ERFL: variants seen among roughly 807,000 people sequenced by gnomAD.
ERFL encodes ETS repressor factor like.
A neutral mutation model predicts 27.9 loss-of-function variants in ERFL; 8 were observed. The ratio of observed to expected loss-of-function variants is 0.29; its 90% CI spans 0.17 to 0.52. ERFL has a LOEUF of 0.52. Ranked by LOEUF, ERFL falls within the 20% of genes least tolerant of loss-of-function variation. The pLI, the probability that ERFL is intolerant of heterozygous loss-of-function variation, is 0.97. For missense variants in ERFL, 294 were observed against 444.4 expected (o/e 0.66, Z 3.04); for synonymous variants, 174 against 202.8 (o/e 0.86, Z 1.21).
intron 1 of ERFL, among the ~76,000 whole-genome samples, chr19:41,926,827 C>T (rs1017478381): frequency 6.6e-6 from 1 of 152,128 alleles, no homozygotes; most frequent in Non-Finnish European, 1.5e-5. Context: ...CCAGAAAATT[C>T]GATCCTGGGC....
At chr19:41,914,975 TC>T (rs1343334298) in intron 1 of ERFL, among the ~76,000 whole-genome samples, 1 of 30,470 alleles carries the variant, frequency 3.3e-5, no homozygotes, top group South Asian at 1.5e-3. Context: ...TCTCCCTCCC[TC>T]CCCCTCCAGC....
intron 2 of ERFL, among the ~76,000 whole-genome samples, chr19:41,911,407 G>A (rs782695522): frequency 8.5e-5 from 13 of 152,204 alleles, no homozygotes; most frequent in Non-Finnish European, 1.2e-4. Context: ...AGACTGCTGT[G>A]CGCCAGGGCA....
chr19:41,920,898 C>G (rs1359949013), intron 1 of ERFL, among the ~76,000 whole-genome samples: 1 of 152,180 alleles, frequency 6.6e-6, no homozygotes, highest in African/African-American at 2.4e-5. Context: ...GAGACCCACA[C>G]CCCCCTCCCT....
intron 1 of ERFL, among the ~76,000 whole-genome samples, chr19:41,922,852 G>C (rs939675615): frequency 6.6e-6 from 1 of 152,198 alleles, no homozygotes; most frequent in Non-Finnish European, 1.5e-5. Flanking sequence ...GCGCACTGCC[G>C]CCGAGGCGGA....
rs1555852503 is a variant in ERFL at position 41,921,643 on chromosome 19, G to A, written c.-14+6397C>T. ...CCGCACCGGAGACCCTGGGTTGGGA[G>A]GAAGGAGAGAAGAGGGCAGAGATGC... On this transcript the variant is annotated intron_variant, in intron 1 of 5. Transcript: ENST00000597630. The surrounding 1 kb of genome is among the most constrained non-coding windows in gnomAD (Gnocchi z 4.4). Among the ~76,000 whole-genome samples the A allele has an allele frequency of 6.6e-6, 1 of 152,132 alleles. No homozygotes were observed. Among genetic ancestry groups the A allele is most frequent in the Non-Finnish European group, 1.5e-5 (1 of 68,020 alleles).
Position 41,908,552 on chromosome 19 carries a change from G to A in ERFL, c.741C>T (p.Tyr247=), listed in dbSNP as rs782525663. The part of the protein sequence containing the change: ...GPFPKLPPSL[Y]PPHFYPNPLA... ...GAGGGTTGGGGTAGAAATGCGGGGG[G>A]TAGAGAGAGGGAGGCAGCTTGGGGA... Residue 247 remains tyrosine, a synonymous_variant, in exon 6 of 6, where the codon TAC becomes TAT. Transcript: ENST00000597630. This position sits in a 1 kb window ranked among gnomAD's most constrained non-coding sequence, Gnocchi z 6.7. 3.0e-5 allele frequency: 37 copies of A among 1,231,686 alleles called. No individual in the cohort carries two copies. Among genetic ancestry groups the A allele is most frequent in the Non-Finnish European group, 3.5e-5 (35 of 988,078 alleles). The allele number at this position is 1,231,686 out of a possible 1,614,324, so 76.3% of individuals were successfully genotyped here.
At chr19:41,920,484 GACAC>G (rs781793491) in intron 1 of ERFL, among the ~76,000 whole-genome samples, 247 of 141,766 alleles carry the variant, frequency 1.7e-3, no homozygotes, top group African/African-American at 4.3e-3. Flanking sequence ...TCACAGACGT[GACAC>G]ACAGACATGA....
chr19:41,919,976 C>G (rs782379380), intron 1 of ERFL, among the ~76,000 whole-genome samples: 7 of 142,394 alleles, frequency 4.9e-5, no homozygotes, highest in Non-Finnish European at 7.6e-5. Context: ...ACATGACACG[C>G]CCACAGACGT....
intron 1 of ERFL, among the ~76,000 whole-genome samples, chr19:41,926,623 G>A (rs1014387772): frequency 6.6e-6 from 1 of 152,150 alleles, no homozygotes; most frequent in Non-Finnish European, 1.5e-5. Flanking sequence ...TCTGGGCTAG[G>A]CGAGGCCTGG....
Position 41,908,529 on chromosome 19 carries a change from G to A in ERFL, c.764C>T (p.Pro255Leu), listed in dbSNP as rs2145878989. 8.1e-7 allele frequency: 1 copy of A among 1,231,856 alleles called. No individual in the cohort carries two copies. Among genetic ancestry groups the A allele is most frequent in the African/African-American group, 1.6e-5 (1 of 64,512 alleles). 76.3% of individuals were successfully genotyped at this position (1,231,856 alleles called of 1,614,324 possible). A position where few individuals can be genotyped will look rare whatever the true frequency, so the allele number is the denominator to read the frequency against. Residue 255 changes from proline (P) to leucine (L), a missense_variant, in exon 6 of 6, where the codon CCT becomes CTT. Around this residue, in one of 3 missense-constraint regions of ERFL, gnomAD observed 246 missense variants for 371.4 expected, o/e 0.66. Transcript: ENST00000597630. The surrounding 1 kb of genome is among the most constrained non-coding windows in gnomAD (Gnocchi z 6.7). Reference sequence around the variant, plus strand: ...CAGGTGGCCCAGGGAACTGGCCAGAGGGTTGGGGTAGAAATGCGGGGGGTA... The same window carrying A: ...CAGGTGGCCCAGGGAACTGGCCAGAAGGTTGGGGTAGAAATGCGGGGGGTA... ...SLYPPHFYPN[P>L]LASSLGHLPS...
At position 41,922,453 on chromosome 19, in the gene ERFL, G is replaced by A. The variant is rs79704386; in HGVS notation, c.-14+5587C>T. On this transcript the variant is annotated intron_variant, in intron 1 of 5. Transcript: ENST00000597630. ...GGGACTGAGATGCGGGAGCACACAG[G>A]GACAGGGAATCGGATGACAAGGAAT... 6.0e-3 allele frequency among the ~76,000 whole-genome samples: 919 copies of A among 152,284 alleles called. 15 individuals are homozygous for A. The highest frequency in any genetic ancestry group is 0.02 in the African/African-American group (847 of 41,542).
chr19:41,919,512 TACACACACACAC>T, intron 1 of ERFL, among the ~76,000 whole-genome samples: 1 of 146,592 alleles, frequency 6.8e-6, no homozygotes, highest in Admixed American at 6.8e-5. Flanking sequence ...CGTGCACGCG[TACACACACACAC>T]ACACACACAC....
chr19:41,908,777 C>G lies in ERFL; in HGVS notation c.617-101G>C, dbSNP rs2145879389. On this transcript the variant is annotated intron_variant, in intron 5 of 5. Coordinates refer to ENST00000597630, the MANE Select transcript of ERFL (RefSeq NM_001365103.2). This position sits in a 1 kb window ranked among gnomAD's most constrained non-coding sequence, Gnocchi z 6.7. ...ATATCCCACCCCATCTCCCCGCATC[C>G]CTCCTACATGGCATCTTACCCCCTC... The G allele has an allele frequency of 1.7e-6, 1 of 578,042 alleles. No homozygotes were observed. Among genetic ancestry groups the G allele is most frequent in the East Asian group, 3.5e-5 (1 of 28,900 alleles). 35.8% of individuals were successfully genotyped at this position (578,042 alleles called of 1,614,324 possible).
In ERFL at chr19:41,910,820, C is replaced by T. The variant is rs112201891; in HGVS notation, c.68-723G>A. Among the ~76,000 whole-genome samples the T allele has an allele frequency of 2.0e-3, 303 of 152,262 alleles. No homozygotes were observed. The highest frequency in any genetic ancestry group is 6.8e-3 in the African/African-American group (284 of 41,546). On this transcript the variant is annotated intron_variant, in intron 2 of 5. Coordinates refer to ENST00000597630, the MANE Select transcript of ERFL (RefSeq NM_001365103.2). This position sits in a 1 kb window ranked among gnomAD's most constrained non-coding sequence, Gnocchi z 4.4. ...CAGCCACACTGGGACACAGGCACAC[C>T]GGAGTGCCACACTCATGCTGGGGGC... is the stretch of plus-strand genomic sequence containing the variant.
Position 41,928,281 on chromosome 19 carries a change from AGCAGAGACGGGGAGAT to A in ERFL, c.-271_-256del, listed in dbSNP as rs1555853495. On this transcript the variant is annotated 5_prime_UTR_variant, in exon 1 of 6. Transcript: ENST00000597630. Reference sequence around the variant, plus strand: ...CCAAGGAGACAGAGACGGGGAGACGAGCAGAGACGGGGAGATGCAGAGAGGGAGAGAGACAGCGAGA... The same window carrying A: ...CCAAGGAGACAGAGACGGGGAGACGAGCAGAGAGGGAGAGAGACAGCGAGA... The A allele has an allele frequency of 1.3e-5, 2 of 152,268 alleles. No homozygotes were observed. The highest frequency in any genetic ancestry group is 4.8e-5 in the African/African-American group (2 of 41,330). 9.4% of individuals were successfully genotyped at this position (152,268 alleles called of 1,614,324 possible).
rs1415090685 is a variant in ERFL, at chr19:41,916,928, CCCCTGCCACTCCTGCT to C, written c.-13-4012_-13-3997del. 3.3e-5 allele frequency among the ~76,000 whole-genome samples: 5 copies of C among 152,176 alleles called. No homozygotes were observed. Among genetic ancestry groups the C allele is most frequent in the Non-Finnish European group, 2.9e-5 (2 of 68,036 alleles). On this transcript the variant is annotated intron_variant, in intron 1 of 5. Transcript: ENST00000597630. The surrounding 1 kb of genome is among the most constrained non-coding windows in gnomAD (Gnocchi z 5.4). ...ACTCAGAGATGACCCCAACCCAAGG[CCCCTGCCACTCCTGCT>C]CCCACCATCCCCATCTGTCTGCCTG... is the stretch of plus-strand genomic sequence containing the variant.
intron 2 of ERFL, among the ~76,000 whole-genome samples, chr19:41,911,347 T>C (rs1336417403): frequency 2.0e-5 from 3 of 152,094 alleles, no homozygotes; most frequent in South Asian, 4.2e-4. Flanking sequence ...GGCATGAAAA[T>C]AGAAGGCAGA....
chr19:41,914,010 A>G (rs2074770732), intron 1 of ERFL, among the ~76,000 whole-genome samples: 1 of 138,914 alleles, frequency 7.2e-6, no homozygotes, highest in Non-Finnish European at 1.6e-5. Context: ...CACTGCTCCC[A>G]TGCGCCCCCC....
Position 41,909,290 on chromosome 19 carries a change from G to A in ERFL, c.484C>T (p.Pro162Ser). ...FGGAPGPDAPPLTPETLQTLF... is the reference protein window; with the variant it reads ...FGGAPGPDAPSLTPETLQTLF... ...CCCAGACTCACCTCAGGGGTGAGGG[G>A]AGGAGCATCTGGCCCTGGGGCCCCC... Residue 162 changes from proline (P) to serine (S), a missense_variant, in exon 4 of 6, where the codon CCC (proline) becomes TCC (serine). Coordinates refer to ENST00000597630, the MANE Select transcript of ERFL (RefSeq NM_001365103.2). This position sits in a 1 kb window ranked among gnomAD's most constrained non-coding sequence, Gnocchi z 5.2. 8.1e-7 allele frequency: 1 copy of A among 1,233,588 alleles called. No individual in the cohort carries two copies. The highest frequency in any genetic ancestry group is 1.0e-6 in the Non-Finnish European group (1 of 989,052). The allele number at this position is 1,233,588 out of a possible 1,614,324, so 76.4% of individuals were successfully genotyped here. A position where few individuals can be genotyped will look rare whatever the true frequency, so the allele number is the denominator to read the frequency against.
Sources: gnomAD v4.1 joint callset for allele counts (sites outside exome capture counted in the v4.1 genomes callset) on GRCh38, gnomAD v4.1.1 for gene constraint, gnomAD v4.1.1 regional missense constraint, Gnocchi (gnomAD v3.1) non-coding constraint, MANE v1.5 for transcripts, NCBI Gene and HGNC (gene_info 2026-07-23, HGNC 2026-07-21) for gene names.